The following SNX29 variants were observed in gnomAD, a reference collection of about 807,000 sequenced individuals.
SNX29 encodes sorting nexin 29.
In SNX29, 78 loss-of-function variants were observed where a neutral mutation model predicts 102.1. The ratio of observed to expected loss-of-function variants is 0.76; its 90% CI spans 0.64 to 0.92. The LOEUF is 0.92. Ranked by LOEUF, SNX29 falls within the 40% of genes least tolerant of loss-of-function variation. SNX29 has a pLI of 0.00. For synonymous variants in SNX29, 580 were observed against 414.5 expected (o/e 1.40, Z -4.85); for missense variants, 1,280 against 1,061.7 (o/e 1.21, Z -2.86).
chr16:12,244,023 A>G (rs2078189034), intron 14 of SNX29, among the ~76,000 whole-genome samples: 2 of 152,216 alleles, frequency 1.3e-5, no homozygotes, highest in African/African-American at 4.8e-5. Context: ...ACCTCAGATC[A>G]TCAGGCATTA....
intron 20 of SNX29, chr16:12,527,195 C>A (rs6498316): frequency 3.8e-6 from 2 of 532,764 alleles, no homozygotes; most frequent in African/African-American, 3.7e-5. Flanking sequence ...TCGGAATGTA[C>A]GGATTGTTTC....
intron 18 of SNX29, among the ~76,000 whole-genome samples, chr16:12,434,721 G>C (rs1189778526): frequency 6.6e-6 from 1 of 152,056 alleles, no homozygotes; most frequent in Non-Finnish European, 1.5e-5. Context: ...AGGCCCTGCT[G>C]ACCTCATCCA....
intron 6 of SNX29, among the ~76,000 whole-genome samples, chr16:12,047,651 C>CTTTTTT (rs376623418): frequency 3.9e-5 from 5 of 126,614 alleles, no homozygotes; most frequent in African/African-American, 6.0e-5. Context: ...GGACCAAGGT[C>CTTTTTT]TTTTTTTTTT....
intron 13 of SNX29, among the ~76,000 whole-genome samples, chr16:12,178,477 G>C (rs993316231): frequency 6.6e-6 from 1 of 152,220 alleles, no homozygotes; most frequent in Non-Finnish European, 1.5e-5. Context: ...CGCAAAACCA[G>C]CCTGGCTTTT....
chr16:12,276,517 G>A lies in SNX29; in HGVS notation c.1679-1416G>A, dbSNP rs143325934. Among the ~76,000 whole-genome samples, 50 of 152,216 alleles carry A rather than the reference G, an allele frequency of 3.3e-4. 1 individual carries two copies. The highest frequency in any genetic ancestry group is 1.2e-3 in the African/African-American group (48 of 41,526). ...TTCACCTTCTTCCTGAAGGCTACCCGCATCACTGGGGGGCTAGTCTCAGAT... is the reference window on the plus strand; with the variant it reads ...TTCACCTTCTTCCTGAAGGCTACCCACATCACTGGGGGGCTAGTCTCAGAT... On this transcript the variant is annotated intron_variant, in intron 14 of 20. Transcript: ENST00000566228.
intron 14 of SNX29, among the ~76,000 whole-genome samples, chr16:12,243,671 A>G (rs1177962305): frequency 6.6e-6 from 1 of 152,028 alleles, no homozygotes; most frequent in Non-Finnish European, 1.5e-5. Context: ...TAGTTGTATG[A>G]TTGGGCTTCA....
intron 16 of SNX29, among the ~76,000 whole-genome samples, chr16:12,370,711 C>T (rs1445072201): frequency 1.3e-5 from 2 of 152,190 alleles, no homozygotes; most frequent in Non-Finnish European, 2.9e-5. Context: ...TTTATATAAT[C>T]TCCTAGTAAA....
intron 1 of SNX29, among the ~76,000 whole-genome samples, chr16:11,994,879 G>T (rs1215600020): frequency 6.6e-6 from 1 of 152,118 alleles, no homozygotes; most frequent in Non-Finnish European, 1.5e-5. Flanking sequence ...GGAAGGGCAT[G>T]ATCTCATGCA....
At chr16:12,334,901 C>CTCTTTT (rs2081401143) in intron 15 of SNX29, among the ~76,000 whole-genome samples, 1 of 93,608 alleles carries the variant, frequency 1.1e-5, no homozygotes, top group South Asian at 5.7e-4. Flanking sequence ...GCCCCAGAGC[C>CTCTTTT]TTTTTTTTTT....
intron 18 of SNX29, among the ~76,000 whole-genome samples, chr16:12,461,669 C>G (rs1567587184): frequency 6.6e-6 from 1 of 151,764 alleles, no homozygotes; most frequent in Non-Finnish European, 1.5e-5. Context: ...AGAAAATATT[C>G]AGGCTGGCCA....
chr16:11,989,509 C>A (rs1299485724), intron 1 of SNX29, among the ~76,000 whole-genome samples: 1 of 152,192 alleles, frequency 6.6e-6, no homozygotes, highest in African/African-American at 2.4e-5. Flanking sequence ...TCCATTTTAT[C>A]TGTGCGTATG....
intron 11 of SNX29, among the ~76,000 whole-genome samples, chr16:12,095,619 AG>A (rs2052734940): frequency 6.6e-6 from 1 of 152,256 alleles, no homozygotes; most frequent in African/African-American, 2.4e-5. Flanking sequence ...GCAGCTCATC[AG>A]AAAACATTTC....
chr16:12,506,769 G>A (rs990624013), intron 19 of SNX29, among the ~76,000 whole-genome samples: 7 of 152,174 alleles, frequency 4.6e-5, no homozygotes, highest in Non-Finnish European at 1.0e-4. Context: ...CAGCTGAGGA[G>A]GTGGAATCTG....
chr16:12,199,969 G>T (rs2076873305), intron 14 of SNX29, among the ~76,000 whole-genome samples: 1 of 152,132 alleles, frequency 6.6e-6, no homozygotes, highest in Admixed American at 6.5e-5. Context: ...CAGTTGCATG[G>T]CAGTGAACCT....
intron 14 of SNX29, among the ~76,000 whole-genome samples, chr16:12,275,356 C>G (rs2079212044): frequency 6.6e-6 from 1 of 152,110 alleles, no homozygotes. Flanking sequence ...TTTTATGTCT[C>G]CATTAAAAAA....
chr16:12,066,727 C>T (rs139032749), intron 9 of SNX29, among the ~76,000 whole-genome samples: 236 of 140,458 alleles, frequency 1.7e-3, no homozygotes, highest in Non-Finnish European at 3.0e-3. Flanking sequence ...GAGAGGGGAG[C>T]GCCAAGTAGG....
chr16:12,161,541 G>A (rs2141668585), intron 13 of SNX29, among the ~76,000 whole-genome samples: 1 of 152,316 alleles, frequency 6.6e-6, no homozygotes, highest in Middle Eastern at 3.4e-3. Context: ...GGAGCGTAGG[G>A]TGGGCATCTG....
Position 12,250,128 on chromosome 16 carries a change from G to A in SNX29, c.1679-27805G>A, listed in dbSNP as rs527415620. On this transcript the variant is annotated intron_variant, in intron 14 of 20. Transcript: ENST00000566228. ...TCCTGCAGGAACCAACATAAAACCA[G>A]CCTTGAAGGGTTAGACAGACTTAGG... Among the ~76,000 whole-genome samples, 327 of 152,316 alleles carry A rather than the reference G, an allele frequency of 2.1e-3. 1 individual carries two copies. Among genetic ancestry groups the A allele is most frequent in the Non-Finnish European group, 3.6e-3 (245 of 68,028 alleles).
intron 17 of SNX29, among the ~76,000 whole-genome samples, chr16:12,401,866 TAAAC>T (rs1208879435): frequency 6.6e-6 from 1 of 152,240 alleles, no homozygotes; most frequent in South Asian, 2.1e-4. Flanking sequence ...ATGGGTCACT[TAAAC>T]AATCAATTTC....
Sources: gnomAD v4.1 joint callset for allele counts (sites outside exome capture counted in the v4.1 genomes callset) on GRCh38, gnomAD v4.1.1 for gene constraint, MANE v1.5 for transcripts, NCBI Gene and HGNC (gene_info 2026-07-23, HGNC 2026-07-21) for gene names.